Variants in MAP3K4 observed in about 807,000 individuals in gnomAD.
MAP3K4 encodes the protein mitogen-activated protein kinase kinase kinase 4.
In MAP3K4, 67 loss-of-function variants were observed where a neutral mutation model predicts 185.6. The ratio of observed to expected loss-of-function variants is 0.36; its 90% CI spans 0.30 to 0.44. The LOEUF (loss-of-function observed/expected upper bound fraction) is 0.44. Among genes scored for constraint, MAP3K4 ranks in the 20% least tolerant of loss-of-function variants. The pLI is 1.00. For synonymous variants in MAP3K4, 702 were observed against 710.4 expected, an observed-to-expected ratio of 0.99 and a Z score of 0.19; for missense variants, 1,551 against 1,995.1, an observed-to-expected ratio of 0.78 and a Z score of 4.24.
rs1431245183 is a variant in MAP3K4 at position 161,077,234 on chromosome 6, A to G, written c.2097+3622A>G. The stretch of plus-strand genomic sequence containing the variant: ...AAGAGATAGAAGTGAAGAGAGAACA[A>G]AGGAGAAACTAACTTTCTGGTACCT... On this transcript the variant is annotated intron_variant, in intron 5 of 26. Transcript: ENST00000392142. The surrounding 1 kb of genome is among the most constrained non-coding windows in gnomAD (Gnocchi z 4.3). Among the ~76,000 whole-genome samples, 1 of 152,208 alleles carries G rather than the reference A, an allele frequency of 6.6e-6. No homozygotes were observed. The highest frequency in any genetic ancestry group is 1.5e-5 in the Non-Finnish European group (1 of 68,034).
chr6:161,016,607 A>G (rs943657844), intron 1 of MAP3K4, among the ~76,000 whole-genome samples: 2 of 152,108 alleles, frequency 1.3e-5, no homozygotes, highest in Admixed American at 1.3e-4. Context: ...TCCTTTTCCC[A>G]TTGAATATTT....
In MAP3K4 at chr6:161,049,275, G is replaced by A. The variant is rs35730939; in HGVS notation, c.1003G>A (p.Val335Ile). Residue 335 changes from valine (V) to isoleucine (I), a missense_variant, in exon 3 of 27, where the codon GTA becomes ATA. Physicochemically the swap from Val to Ile is conservative, Grantham distance 29 (BLOSUM62 3). Coordinates refer to ENST00000392142, the MANE Select transcript of MAP3K4 (RefSeq NM_005922.4). The surrounding 1 kb of genome is among the most constrained non-coding windows in gnomAD (Gnocchi z 8.4). ...CAAAGCCACTCCTGGAACAAAGATT[G>A]TAGGTTACTCAACACATCATGAGCA... ...QCKATPGTKIVGYSTHHEHLQ... is the reference protein window; with the variant it reads ...QCKATPGTKIIGYSTHHEHLQ... 2.5e-3 allele frequency: 3,960 copies of A among 1,614,142 alleles called. 90 individuals are homozygous for A. In the African/African-American group the frequency reaches 0.044, roughly 18 times the overall value.
Position 161,108,715 on chromosome 6 carries a change from T to A in MAP3K4, c.4120-28T>A. 1 of 1,310,862 alleles carries A rather than the reference T, an allele frequency of 7.6e-7. No individual in the cohort carries two copies. Among genetic ancestry groups the A allele is most frequent in the Admixed American group, 1.7e-5 (1 of 59,630 alleles). The allele number at this position is 1,310,862 out of a possible 1,614,324, so 81.2% of individuals were successfully genotyped here. On this transcript the variant is annotated intron_variant, in intron 21 of 26. Transcript: ENST00000392142. This position sits in a 1 kb window ranked among gnomAD's most constrained non-coding sequence, Gnocchi z 5.7. Reference sequence around the variant, plus strand: ...ATGTAGAGTGATTAAATCAAGCCAGTTAACATTTTTGTCACCTCACTTTAC... The same window carrying A: ...ATGTAGAGTGATTAAATCAAGCCAGATAACATTTTTGTCACCTCACTTTAC...
At chr6:161,065,265 A>G (rs577108075) in intron 3 of MAP3K4, among the ~76,000 whole-genome samples, 4 of 152,236 alleles carry the variant, frequency 2.6e-5, no homozygotes, top group Admixed American at 2.6e-4. Flanking sequence ...ACATAAAATT[A>G]TGAGAATTTA....
In MAP3K4 at chr6:161,086,786, CA is replaced by C; in HGVS notation, c.2556+121del. ...ATTACAGGCTCTGAAGGCTGTACCA[CA>C]ACCCCAGTTGTAAGACTGTCCTGTA... On this transcript the variant is annotated intron_variant, in intron 9 of 26. Transcript: ENST00000392142. This position sits in a 1 kb window ranked among gnomAD's most constrained non-coding sequence, Gnocchi z 4.8. 2 of 706,338 alleles carry C rather than the reference CA, an allele frequency of 2.8e-6. No individual in the cohort carries two copies. The allele number at this position is 706,338 out of a possible 1,614,324, so 43.8% of individuals were successfully genotyped here.
intron 1 of MAP3K4, among the ~76,000 whole-genome samples, chr6:160,993,736 A>T (rs1313411660): frequency 1.5e-3 from 8 of 5,202 alleles, no homozygotes; most frequent in Admixed American, 0.011. Context: ...CTTCAGTGGT[A>T]AAAAAAAAAA....
At position 161,108,772 on chromosome 6, in the gene MAP3K4, T is replaced by C; in HGVS notation, c.4149T>C (p.Thr1383=). The C allele has an allele frequency of 1.2e-6, 2 of 1,613,888 alleles. No homozygotes were observed. Among genetic ancestry groups the C allele is most frequent in the South Asian group, 1.1e-5 (1 of 91,086 alleles). Residue 1383 remains threonine (T), a synonymous_variant, in exon 22 of 27, where the codon ACT becomes ACC. Coordinates refer to ENST00000392142, the MANE Select transcript of MAP3K4 (RefSeq NM_005922.4). This position sits in a 1 kb window ranked among gnomAD's most constrained non-coding sequence, Gnocchi z 5.7. ...GATTTCAACCTAATGACCATAAGAC[T>C]ATCAAGGAAACTGCAGACGAATTGA... is the stretch of plus-strand genomic sequence containing the variant. ...EIRFQPNDHK[T]IKETADELKI...
At chr6:161,004,944 A>G (rs1019107621) in intron 1 of MAP3K4, among the ~76,000 whole-genome samples, 2 of 152,180 alleles carry the variant, frequency 1.3e-5, no homozygotes, top group Non-Finnish European at 2.9e-5. Flanking sequence ...GTTGAAACAG[A>G]GAAAACACGA....
intron 23 of MAP3K4, 146 bp from the exon 24 acceptor site, chr6:161,111,690 C>T (rs993099818): frequency 2.4e-6 from 2 of 831,000 alleles, no homozygotes; most frequent in Admixed American, 2.5e-5. Context: ...TACAAATCTT[C>T]CTATGATTAC....
chr6:161,018,985 T>A (rs1161742287), intron 1 of MAP3K4, among the ~76,000 whole-genome samples: 19 of 152,180 alleles, frequency 1.2e-4, no homozygotes, highest in Admixed American at 1.2e-3. Flanking sequence ...CAGTAGAAAC[T>A]ATGCAAAATG....
intron 1 of MAP3K4, among the ~76,000 whole-genome samples, chr6:161,011,455 C>T (rs1271673918): frequency 1.3e-5 from 2 of 152,038 alleles, no homozygotes; most frequent in African/African-American, 2.4e-5. Flanking sequence ...CCTTTCAACC[C>T]CCCTCCCTTC....
intron 2 of MAP3K4, among the ~76,000 whole-genome samples, chr6:161,047,279 C>CAA (rs5881389): frequency 2.5e-4 from 36 of 145,562 alleles, no homozygotes; most frequent in Non-Finnish European, 3.0e-4. Context: ...TGTCTCTACC[C>CAA]AAAAAAAAAA....
Position 161,076,165 on chromosome 6 carries a change from T to C in MAP3K4, c.2097+2553T>C, listed in dbSNP as rs1428458677. 1.3e-5 allele frequency among the ~76,000 whole-genome samples: 2 copies of C among 152,208 alleles called. No individual in the cohort carries two copies. The highest frequency in any genetic ancestry group is 4.8e-5 in the African/African-American group (2 of 41,456). ...GGTAAACCCAAGCTCTAAATACGTG[T>C]CCGCCTTAGGCCCAGAAGGCCCACC... On this transcript the variant is annotated intron_variant, in intron 5 of 26. Coordinates refer to ENST00000392142, the MANE Select transcript of MAP3K4 (RefSeq NM_005922.4). This position sits in a 1 kb window ranked among gnomAD's most constrained non-coding sequence, Gnocchi z 4.2.
chr6:161,044,547 C>A (rs1783631991), intron 2 of MAP3K4, among the ~76,000 whole-genome samples: 1 of 152,182 alleles, frequency 6.6e-6, no homozygotes, highest in Non-Finnish European at 1.5e-5. Flanking sequence ...TAGTGTTGTT[C>A]TCAGATCTCC....
intron 5 of MAP3K4, among the ~76,000 whole-genome samples, chr6:161,079,997 G>A (rs1448773597): frequency 6.6e-6 from 1 of 152,226 alleles, no homozygotes; most frequent in Admixed American, 6.5e-5. Flanking sequence ...AAACATCTGA[G>A]TGTGGACACC....
At chr6:160,999,751 A>G (rs1268289659) in intron 1 of MAP3K4, among the ~76,000 whole-genome samples, 1 of 152,192 alleles carries the variant, frequency 6.6e-6, no homozygotes, top group African/African-American at 2.4e-5. Context: ...CCTGCCATAC[A>G]TAGCCCAGCT....
rs144312147 is a variant in MAP3K4, at chr6:161,029,311, C to T, written c.153-4948C>T. ...CAGATGTTTTCAGACTCATCTAATC[C>T]GACTTCATCATTTTACAGATAGCTA... On this transcript the variant is annotated intron_variant, in intron 1 of 26. Transcript: ENST00000392142. Among the ~76,000 whole-genome samples the T allele has an allele frequency of 2.5e-4, 38 of 152,222 alleles. No homozygotes were observed. In the East Asian group the frequency reaches 7.3e-3, roughly 29 times the overall value.
chr6:161,086,396 T>G lies in MAP3K4; in HGVS notation c.2390T>G (p.Ile797Ser). 1 of 1,613,186 alleles carries G rather than the reference T, an allele frequency of 6.2e-7. No individual in the cohort carries two copies. The highest frequency in any genetic ancestry group is 8.5e-7 in the Non-Finnish European group (1 of 1,179,444). Residue 797 changes from isoleucine to serine, a missense_variant, in exon 8 of 27, where the codon ATC becomes AGC. This residue lies in a region of MAP3K4 where 130 missense variants were observed against 171.3 expected (regional missense o/e 0.76). Transcript: ENST00000392142. The surrounding 1 kb of genome is among the most constrained non-coding windows in gnomAD (Gnocchi z 4.8). ...SDEIRRSVIEISRALKELFHE... is the reference protein window; with the variant it reads ...SDEIRRSVIESSRALKELFHE... ...CTTGGCAGGAGGTCTGTTATAGAGATCAGTCGAGCCCTGAAGGAGCTCTTC... is the reference window on the plus strand; with the variant it reads ...CTTGGCAGGAGGTCTGTTATAGAGAGCAGTCGAGCCCTGAAGGAGCTCTTC...
In MAP3K4 at chr6:161,080,381, C is replaced by A. The variant is rs944049561; in HGVS notation, c.2098-500C>A. Among the ~76,000 whole-genome samples, 8 of 152,122 alleles carry A rather than the reference C, an allele frequency of 5.3e-5. No individual in the cohort carries two copies. The highest frequency in any genetic ancestry group is 1.0e-4 in the Non-Finnish European group (7 of 68,038). On this transcript the variant is annotated intron_variant, in intron 5 of 26. Transcript: ENST00000392142. This position sits in a 1 kb window ranked among gnomAD's most constrained non-coding sequence, Gnocchi z 4.8. ...ACAACTGGATATTTTGGTTTTAGATCATCATTTATATGTTGCAAGCCTTGA... is the reference window on the plus strand; with the variant it reads ...ACAACTGGATATTTTGGTTTTAGATAATCATTTATATGTTGCAAGCCTTGA...
Sources: gnomAD v4.1 joint callset for allele counts (sites outside exome capture counted in the v4.1 genomes callset) on GRCh38, gnomAD v4.1.1 for gene constraint, gnomAD v4.1.1 regional missense constraint, Gnocchi (gnomAD v3.1) non-coding constraint, MANE v1.5 for transcripts, NCBI Gene and HGNC (gene_info 2026-07-23, HGNC 2026-07-21) for gene names.